The following IL16 variants were observed in gnomAD, a reference collection of about 807,000 sequenced individuals.
IL16 encodes the protein interleukin 16.
In IL16, 67 loss-of-function variants were observed where a neutral mutation model predicts 110.1. The observed-to-expected ratio is 0.61, with a 90% confidence interval of 0.50 to 0.75. The LOEUF is 0.75. IL16 is among the 30% of genes least tolerant of loss of function. IL16 has a pLI of 0.00. For missense variants in IL16, 1,545 were observed against 1,655.0 expected (o/e 0.93, Z 1.15); for synonymous variants, 689 against 662.9 (o/e 1.04, Z -0.61).
intron 2 of IL16, among the ~76,000 whole-genome samples, chr15:81,232,688 C>T (rs1355715587): frequency 6.6e-6 from 1 of 152,150 alleles, no homozygotes; most frequent in Non-Finnish European, 1.5e-5. Flanking sequence ...GTTGAAACAA[C>T]TTTGTCTTCC....
intron 2 of IL16, among the ~76,000 whole-genome samples, chr15:81,243,165 T>TATATATATATATA (rs1595985718): frequency 1.5e-4 from 2 of 13,374 alleles, no homozygotes; most frequent in African/African-American, 3.9e-4. Context: ...ATATATATAT[T>TATATATATATATA]TTTTTTTTTT....
chr15:81,275,783 G>A (rs917027036), intron 6 of IL16, among the ~76,000 whole-genome samples: 1 of 152,174 alleles, frequency 6.6e-6, no homozygotes, highest in Non-Finnish European at 1.5e-5. Context: ...TCTTTTAAAA[G>A]TAAATATTTG....
chr15:81,221,492 C>A (rs1471575359), intron 1 of IL16, among the ~76,000 whole-genome samples: 1 of 152,172 alleles, frequency 6.6e-6, no homozygotes, highest in Non-Finnish European at 1.5e-5. Flanking sequence ...CATTAGGGAG[C>A]AATAGCTGGT....
chr15:81,250,124 G>A (rs754786564), intron 2 of IL16, among the ~76,000 whole-genome samples: 11 of 151,952 alleles, frequency 7.2e-5, no homozygotes, highest in African/African-American at 1.9e-4. Context: ...GGAAGTCTTC[G>A]CAGGTCTGAT....
rs770983114 is a variant in IL16 at position 81,273,167 on chromosome 15, A to T, written c.753A>T (p.Ala251=). The T allele has an allele frequency of 1.2e-6, 2 of 1,613,188 alleles. No individual in the cohort carries two copies. The highest frequency in any genetic ancestry group is 4.5e-5 in the East Asian group (2 of 44,852). ...GGATTTACGTCAAAACCATTTTTGCAGGGGGAGCAGCAGCAGCCGATGGAA... is the reference window on the plus strand; with the variant it reads ...GGATTTACGTCAAAACCATTTTTGCTGGGGGAGCAGCAGCAGCCGATGGAA... The part of the protein sequence containing the change: ...PIGIYVKTIF[A]GGAAAADGRL... Residue 251 remains alanine (A), a synonymous_variant, in exon 6 of 19, where the codon GCA becomes GCT. Coordinates refer to ENST00000683961, the MANE Select transcript of IL16 (RefSeq NM_172217.5).
At chr15:81,205,828 T>A (rs1895996599) in intron 1 of IL16, among the ~76,000 whole-genome samples, 1 of 152,216 alleles carries the variant, frequency 6.6e-6, no homozygotes, top group Non-Finnish European at 1.5e-5. Flanking sequence ...AGGAAAATAC[T>A]GTGCAAATGC....
Position 81,292,786 on chromosome 15 carries a change from G to C in IL16, c.1651G>C (p.Glu551Gln). ...CAGCCCCAGCTTGCCTCTGGCACGG[G>C]AGCCAGTGGTGCTTTCTATAGCATC... Reference protein sequence around the residue: ...THSPSLPLAREPVVLSIASSR... With the variant: ...THSPSLPLARQPVVLSIASSR... Residue 551 changes from glutamate (E) to glutamine (Q), a missense_variant, in exon 12 of 19, where the codon GAG becomes CAG. Physicochemically the swap from Glu to Gln is conservative, Grantham distance 29 (BLOSUM62 2). Transcript: ENST00000683961. The C allele has an allele frequency of 6.2e-7, 1 of 1,614,154 alleles. No individual in the cohort carries two copies. The highest frequency in any genetic ancestry group is 8.5e-7 in the Non-Finnish European group (1 of 1,180,014).
At chr15:81,241,449 T>G (rs1897332850) in intron 2 of IL16, among the ~76,000 whole-genome samples, 2 of 152,218 alleles carry the variant, frequency 1.3e-5, no homozygotes, top group South Asian at 4.1e-4. Context: ...CAGGCCTTAT[T>G]TAATGTATTT....
chr15:81,272,957 C>T, intron 5 of IL16, 133 bp from the exon 6 acceptor site: 1 of 613,474 alleles, frequency 1.6e-6, no homozygotes, highest in Non-Finnish European at 3.0e-6. Flanking sequence ...CCTCTGAGAC[C>T]TCTGAGACCA....
At position 81,311,751 on chromosome 15, in the gene IL16, GTAAGCACT is replaced by G. The variant is rs1900868034; in HGVS notation, c.*2957_*2964del. 1.3e-5 allele frequency: 2 copies of G among 152,326 alleles called. No homozygotes were observed. Among genetic ancestry groups the G allele is most frequent in the South Asian group, 4.1e-4 (2 of 4,824 alleles). 9.4% of individuals were successfully genotyped at this position (152,326 alleles called of 1,614,324 possible). ...GTGCTTGCCACAGAGCGGGGACTCG[GTAAGCACT>G]TAATGAATGAATGAATTCTAAGTCA... On this transcript the variant is annotated 3_prime_UTR_variant, in exon 19 of 19. Coordinates refer to ENST00000683961, the MANE Select transcript of IL16 (RefSeq NM_172217.5).
chr15:81,250,365 A>G (rs1394273676), intron 2 of IL16, among the ~76,000 whole-genome samples: 1 of 152,038 alleles, frequency 6.6e-6, no homozygotes, highest in Non-Finnish European at 1.5e-5. Context: ...TTAAATAGAG[A>G]TGGGGCTTCA....
intron 6 of IL16, among the ~76,000 whole-genome samples, chr15:81,275,255 C>T (rs1357425375): frequency 6.6e-6 from 1 of 150,516 alleles, no homozygotes; most frequent in Non-Finnish European, 1.5e-5. Flanking sequence ...AGGGAAATGA[C>T]ATCCGTTCTC....
chr15:81,191,356 T>C (rs984983530), intron 1 of IL16, among the ~76,000 whole-genome samples: 8 of 152,242 alleles, frequency 5.3e-5, no homozygotes, highest in African/African-American at 1.9e-4. Flanking sequence ...TAAATTACGC[T>C]AAGGAAATGT....
intron 2 of IL16, among the ~76,000 whole-genome samples, chr15:81,228,294 A>G (rs1001740946): frequency 1.6e-4 from 24 of 150,380 alleles, no homozygotes; most frequent in African/African-American, 5.1e-4. Context: ...TCACCTTTTC[A>G]TCTCTTTGTG....
At chr15:81,301,557 T>C (rs780199053) in intron 15 of IL16, 45 bp downstream of exon 15, 1 of 1,558,584 alleles carries the variant, frequency 6.4e-7, no homozygotes, top group Admixed American at 1.8e-5. Context: ...TGGCTTATTA[T>C]GGCTGTGTGG....
At chr15:81,284,353 C>T (rs939505966) in intron 9 of IL16, among the ~76,000 whole-genome samples, 1 of 152,288 alleles carries the variant, frequency 6.6e-6, no homozygotes, top group South Asian at 2.1e-4. Context: ...TGCTGTCTCT[C>T]TGGAGCTTCT....
intron 1 of IL16, among the ~76,000 whole-genome samples, chr15:81,208,728 T>C (rs1482581628): frequency 6.6e-6 from 1 of 152,210 alleles, no homozygotes; most frequent in Non-Finnish European, 1.5e-5. Context: ...TAATGATGCA[T>C]ATTATCAAAT....
intron 2 of IL16, among the ~76,000 whole-genome samples, chr15:81,246,513 T>G (rs1209865586): frequency 6.6e-6 from 1 of 152,236 alleles, no homozygotes; most frequent in Non-Finnish European, 1.5e-5. Context: ...TCAACAAATC[T>G]TTGAATCCCT....
At chr15:81,240,146 C>T (rs538521049) in intron 2 of IL16, among the ~76,000 whole-genome samples, 9 of 152,114 alleles carry the variant, frequency 5.9e-5, no homozygotes, top group South Asian at 4.2e-4. Context: ...TATTATGTTC[C>T]AGGAATTCAT....
Sources: allele counts gnomAD v4.1 joint callset (sites outside exome capture counted in the v4.1 genomes callset), GRCh38; gene constraint gnomAD v4.1.1; transcripts MANE v1.5; gene names NCBI Gene and HGNC (gene_info 2026-07-23, HGNC 2026-07-21).